Variants in DGKB observed in about 807,000 individuals in gnomAD.
DGKB encodes 90 kDa diacylglycerol kinase.
Under a neutral mutation model 114.3 loss-of-function variants are expected in DGKB, and 67 were observed. The observed-to-expected ratio is 0.59, with a 90% confidence interval of 0.48 to 0.72. The LOEUF is 0.72. Among genes scored for constraint, DGKB ranks in the 30% least tolerant of loss-of-function variants. The probability of loss-of-function intolerance (pLI) is 0.00; values close to 1 mark genes in which losing one functional copy is unlikely to be tolerated. For synonymous variants in DGKB, 398 were observed against 323.1 expected (o/e 1.23, Z -2.49); for missense variants, 907 against 975.2 (o/e 0.93, Z 0.93).
chr7:14,541,627 T>A lies in DGKB; in HGVS notation c.1770+32585A>T, dbSNP rs75523829. 3.5e-3 allele frequency among the ~76,000 whole-genome samples: 527 copies of A among 152,292 alleles called. 3 individuals are homozygous for A. The highest frequency in any genetic ancestry group is 0.012 in the African/African-American group (511 of 41,578). On this transcript the variant is annotated intron_variant, in intron 20 of 25. Coordinates refer to ENST00000402815, the MANE Select transcript of DGKB (RefSeq NM_001350709.2). ...AGAGAACCACATAGAAGCAACCTAA[T>A]CCAAAACCTTCCCAAAGCATATTGT...
rs1811373484 is a variant in DGKB, at chr7:14,340,173, T to C, written c.1927-1463A>G. The stretch of plus-strand genomic sequence containing the variant: ...TCTGGATGATGCTTTTTTTTTTTTT[T>C]TTTTTTTTCCAGAAAGCAGTGCTTT... On this transcript the variant is annotated intron_variant, in intron 22 of 25. Coordinates refer to ENST00000402815, the MANE Select transcript of DGKB (RefSeq NM_001350709.2). Among the ~76,000 whole-genome samples the C allele has an allele frequency of 2.0e-5, 3 of 150,500 alleles. No homozygotes were observed. In the South Asian group the frequency reaches 6.3e-4, roughly 32 times the overall value.
chr7:14,347,686 G>A (rs1812714733), intron 21 of DGKB, among the ~76,000 whole-genome samples: 1 of 151,980 alleles, frequency 6.6e-6, no homozygotes, highest in South Asian at 2.1e-4. Flanking sequence ...AAGTTTTGGA[G>A]ACCTAATGTA....
In DGKB at chr7:14,686,311, C is replaced by A. The variant is rs568267744; in HGVS notation, c.712-949G>T. 7.2e-5 allele frequency among the ~76,000 whole-genome samples: 11 copies of A among 152,174 alleles called. No homozygotes were observed. The South Asian group carries it at 2.3e-3, about 31-fold the overall frequency. On this transcript the variant is annotated intron_variant, in intron 9 of 25. Transcript: ENST00000402815. ...GCTTAGGAATTTCTTGAACTCCTTA[C>A]AAGAAGGTCAAGATATTAAATGAAA...
At chr7:14,613,782 A>G (rs957372108) in intron 15 of DGKB, among the ~76,000 whole-genome samples, 21 of 152,064 alleles carry the variant, frequency 1.4e-4, no homozygotes, top group Admixed American at 3.3e-4. Context: ...AGGGATGAGA[A>G]GCAAAGAAAG....
chr7:14,564,431 TG>T (rs894120297), intron 20 of DGKB, among the ~76,000 whole-genome samples: 8 of 152,166 alleles, frequency 5.3e-5, no homozygotes, highest in African/African-American at 1.7e-4. Flanking sequence ...AGTCTGGTTT[TG>T]CATTATCCCA....
chr7:14,536,623 T>C (rs1191921569), intron 20 of DGKB, among the ~76,000 whole-genome samples: 2 of 152,182 alleles, frequency 1.3e-5, no homozygotes, highest in Admixed American at 1.3e-4. Context: ...CACTCTCTCA[T>C]GCTAAACCAC....
chr7:14,484,787 A>G (rs555635100), intron 20 of DGKB, among the ~76,000 whole-genome samples: 1 of 152,290 alleles, frequency 6.6e-6, no homozygotes, highest in African/African-American at 2.4e-5. Flanking sequence ...ACACATCAAG[A>G]ATTAGACAAT....
chr7:14,802,258 A>C (rs577020828), intron 2 of DGKB, among the ~76,000 whole-genome samples: 1 of 152,114 alleles, frequency 6.6e-6, no homozygotes, highest in African/African-American at 2.4e-5. Context: ...AAATTTTTTA[A>C]GTAGTAGTTA....
intron 21 of DGKB, among the ~76,000 whole-genome samples, chr7:14,475,745 CATT>C (rs1387439158): frequency 3.3e-5 from 5 of 152,146 alleles, no homozygotes; most frequent in Admixed American, 6.5e-5. Flanking sequence ...TTATAAAAAA[CATT>C]GAAGTTTACA....
intron 20 of DGKB, among the ~76,000 whole-genome samples, chr7:14,537,718 T>G (rs1180947410): frequency 6.6e-6 from 1 of 152,194 alleles, no homozygotes; most frequent in Non-Finnish European, 1.5e-5. Context: ...AAAACCTTGT[T>G]AACATTGATC....
intron 2 of DGKB, among the ~76,000 whole-genome samples, chr7:14,796,188 A>T (rs952407607): frequency 2.0e-5 from 3 of 152,178 alleles, no homozygotes; most frequent in Admixed American, 1.3e-4. Flanking sequence ...ACTTGCTTTA[A>T]GAAGGAGCAA....
chr7:14,841,106 C>T (rs954123500), intron 2 of DGKB, 88 bp downstream of exon 2: 60 of 1,183,794 alleles, frequency 5.1e-5, no homozygotes, highest in African/African-American at 7.7e-5. Flanking sequence ...CCATGAAGAA[C>T]AGGATCTATG....
intron 4 of DGKB, among the ~76,000 whole-genome samples, chr7:14,753,161 C>G (rs1834358954): frequency 6.6e-6 from 1 of 152,134 alleles, no homozygotes; most frequent in South Asian, 2.1e-4. Context: ...TTAAAAGCAT[C>G]AAACAATTTA....
intron 20 of DGKB, among the ~76,000 whole-genome samples, chr7:14,520,788 C>T (rs1221566488): frequency 6.6e-6 from 1 of 151,896 alleles, no homozygotes; most frequent in African/African-American, 2.4e-5. Context: ...ACAGAATGTG[C>T]GTTCTGCATT....
At chr7:14,404,856 T>A (rs1488759988) in intron 21 of DGKB, among the ~76,000 whole-genome samples, 1 of 151,838 alleles carries the variant, frequency 6.6e-6, no homozygotes, top group African/African-American at 2.4e-5. Context: ...CTTCTTCTAC[T>A]TCCTTAGTCA....
At chr7:14,471,085 TTTTC>T (rs1781218976) in intron 21 of DGKB, among the ~76,000 whole-genome samples, 1 of 150,866 alleles carries the variant, frequency 6.6e-6, no homozygotes, top group South Asian at 2.1e-4. Context: ...GTCTGTGGGC[TTTTC>T]TTTGTCTCTA....
At chr7:14,490,450 G>A (rs1170337464) in intron 20 of DGKB, among the ~76,000 whole-genome samples, 1 of 152,086 alleles carries the variant, frequency 6.6e-6, no homozygotes, top group African/African-American at 2.4e-5. Context: ...GCAGCCACGT[G>A]CCCAGCTAAT....
chr7:14,156,084 A>G (rs899555085), intron 25 of DGKB, among the ~76,000 whole-genome samples: 2 of 152,122 alleles, frequency 1.3e-5, no homozygotes, highest in African/African-American at 4.8e-5. Flanking sequence ...GAGGTAGGAG[A>G]AAAACTGAAA....
At chr7:14,196,423 A>G (rs1183303522) in intron 23 of DGKB, among the ~76,000 whole-genome samples, 1 of 152,156 alleles carries the variant, frequency 6.6e-6, no homozygotes, top group Admixed American at 6.6e-5. Context: ...AGTTTAGTAT[A>G]CACCTGAATA....
Sources: gnomAD v4.1 joint callset for allele counts (sites outside exome capture counted in the v4.1 genomes callset) on GRCh38, gnomAD v4.1.1 for gene constraint, MANE v1.5 for transcripts, NCBI Gene and HGNC (gene_info 2026-07-23, HGNC 2026-07-21) for gene names.